Variants in CSMD2 observed in about 807,000 individuals in gnomAD.
CSMD2 encodes CUB and sushi domain-containing protein 2.
In CSMD2, 130 loss-of-function variants were observed where a neutral mutation model predicts 398.5. That is an observed-to-expected ratio of 0.33 (90% CI 0.28 to 0.38). CSMD2 has a LOEUF of 0.38. Ranked by LOEUF, CSMD2 falls within the 10% of genes least tolerant of loss-of-function variation. The pLI, the probability that CSMD2 is intolerant of heterozygous loss-of-function variation, is 1.00. For missense variants in CSMD2, 3,829 were observed against 4,764.9 expected (o/e 0.80, Z 5.78); for synonymous variants, 1,828 against 1,908.5 (o/e 0.96, Z 1.10).
At chr1:33,584,674 T>C (rs1403688493) in intron 46 of CSMD2, among the ~76,000 whole-genome samples, 1 of 119,288 alleles carries the variant, frequency 8.4e-6, no homozygotes, top group East Asian at 2.3e-4. Context: ...TCAAAAAAAA[T>C]ATATCTATAT....
intron 3 of CSMD2, among the ~76,000 whole-genome samples, chr1:33,981,398 T>TC (rs1387553677): frequency 6.6e-6 from 1 of 152,266 alleles, no homozygotes; most frequent in East Asian, 1.9e-4. Context: ...GCAATTTTCA[T>TC]CCCCCTTTGG....
At chr1:34,160,704 T>C (rs1205314990) in intron 1 of CSMD2, among the ~76,000 whole-genome samples, 1 of 152,164 alleles carries the variant, frequency 6.6e-6, no homozygotes. Context: ...TTCAGTAAGC[T>C]CACATTTTAA....
chr1:34,041,800 A>G, intron 2 of CSMD2, among the ~76,000 whole-genome samples: 1 of 152,194 alleles, frequency 6.6e-6, no homozygotes, highest in South Asian at 2.1e-4. Context: ...AATGCTTGGC[A>G]AAGAAAAAGG....
chr1:33,809,625 TA>T (rs575212853), intron 10 of CSMD2, among the ~76,000 whole-genome samples: 180 of 152,048 alleles, frequency 1.2e-3, no homozygotes, highest in African/African-American at 3.9e-3. Flanking sequence ...ACAACGACCA[TA>T]GGGGTCACCA....
intron 5 of CSMD2, among the ~76,000 whole-genome samples, chr1:33,859,798 A>G (rs1414926786): frequency 6.6e-6 from 1 of 152,220 alleles, no homozygotes; most frequent in Non-Finnish European, 1.5e-5. Context: ...TGATTCCATC[A>G]TGCTGCAAAA....
chr1:33,776,494 G>C (rs575135397), intron 12 of CSMD2, among the ~76,000 whole-genome samples: 2 of 152,172 alleles, frequency 1.3e-5, no homozygotes, highest in Non-Finnish European at 2.9e-5. Context: ...TGAAGAGAAT[G>C]TCTGAAGCTG....
chr1:34,147,634 C>T (rs1210367069), intron 1 of CSMD2, among the ~76,000 whole-genome samples: 1 of 43,966 alleles, frequency 2.3e-5, no homozygotes, highest in Non-Finnish European at 4.4e-5. Context: ...GGGGTGACAG[C>T]CAAAAGTGGG....
intron 9 of CSMD2, chr1:33,813,142 T>C (rs1657047812): frequency 6.6e-6 from 1 of 152,176 alleles, no homozygotes; most frequent in Non-Finnish European, 1.5e-5. Flanking sequence ...CTTGTACTTG[T>C]TTCCAAGAAT....
intron 3 of CSMD2, among the ~76,000 whole-genome samples, chr1:33,945,181 A>C (rs2125352701): frequency 6.6e-6 from 1 of 152,268 alleles, no homozygotes; most frequent in East Asian, 1.9e-4. Context: ...GAAACATCAT[A>C]GGCCCCAGAA....
At chr1:33,592,481 C>T (rs563603500) in intron 44 of CSMD2, 31 of 717,034 alleles carry the variant, frequency 4.3e-5, no homozygotes, top group African/African-American at 3.5e-4. Context: ...CAAACAGCTG[C>T]CAAGTGCCCT....
At chr1:33,955,070 C>A (rs946365250) in intron 3 of CSMD2, among the ~76,000 whole-genome samples, 7 of 152,076 alleles carry the variant, frequency 4.6e-5, no homozygotes, top group Non-Finnish European at 8.8e-5. Flanking sequence ...TCTCGCCATC[C>A]CAAGGAGGAA....
chr1:34,156,889 A>G (rs551567033), intron 1 of CSMD2, among the ~76,000 whole-genome samples: 2 of 152,336 alleles, frequency 1.3e-5, no homozygotes, highest in African/African-American at 4.8e-5. Context: ...AACAGGTGGA[A>G]AGTAAGAGAG....
intron 3 of CSMD2, among the ~76,000 whole-genome samples, chr1:34,009,924 C>G (rs115303537): frequency 0.014 from 2,169 of 152,280 alleles, 44 homozygotes; most frequent in African/African-American, 0.05. Flanking sequence ...GCAATGTTTT[C>G]CTAAGTGGGC....
chr1:33,682,586 A>T (rs1557724454), intron 25 of CSMD2, among the ~76,000 whole-genome samples: 1 of 152,216 alleles, frequency 6.6e-6, no homozygotes, highest in Non-Finnish European at 1.5e-5. Flanking sequence ...TGGAAAAGAA[A>T]AGGAGTCTTA....
chr1:33,937,610 C>T (rs1478321464), intron 3 of CSMD2, among the ~76,000 whole-genome samples: 10 of 152,202 alleles, frequency 6.6e-5, no homozygotes, highest in Non-Finnish European at 1.5e-4. Context: ...ATTCCCTCCC[C>T]CTTCCTCTCT....
intron 10 of CSMD2, among the ~76,000 whole-genome samples, chr1:33,793,638 C>T (rs543212930): frequency 5.9e-5 from 9 of 151,986 alleles, no homozygotes; most frequent in African/African-American, 1.4e-4. Flanking sequence ...GTGACAGGGA[C>T]GCATAGGTGT....
At chr1:33,985,345 A>G (rs1646321790) in intron 3 of CSMD2, among the ~76,000 whole-genome samples, 1 of 152,348 alleles carries the variant, frequency 6.6e-6, no homozygotes, top group African/African-American at 2.4e-5. Context: ...GAACAATGCC[A>G]GGCACACTAA....
intron 25 of CSMD2, among the ~76,000 whole-genome samples, chr1:33,670,330 A>T (rs1046125926): frequency 3.3e-5 from 5 of 152,262 alleles, no homozygotes; most frequent in African/African-American, 1.2e-4. Flanking sequence ...CCCCTTGGTG[A>T]ATGTTGTCTG....
Position 33,519,828 on chromosome 1 carries a change from A to T in CSMD2, c.10720T>A (p.Tyr3574Asn), listed in dbSNP as rs1369574581. The T allele has an allele frequency of 6.2e-7, 1 of 1,613,724 alleles. No homozygotes were observed. Among genetic ancestry groups the T allele is most frequent in the Non-Finnish European group, 8.5e-7 (1 of 1,179,908 alleles). ...GCACGGTACCTGTGCTTGTAGAGATAGAGCACGAAGCCCGCAATAATGAGG... is the reference window on the plus strand; with the variant it reads ...GCACGGTACCTGTGCTTGTAGAGATTGAGCACGAAGCCCGCAATAATGAGG... ...IALIIAGFVLYLYKHRRRPKV... is the reference protein window; with the variant it reads ...IALIIAGFVLNLYKHRRRPKV... Residue 3574 changes from tyrosine (Y) to asparagine (N), a missense_variant, in exon 69 of 71, where the codon TAT becomes AAT. This residue lies in a region of CSMD2 where 917 missense variants were observed against 1,199.5 expected (regional missense o/e 0.76). Coordinates refer to ENST00000373381, the MANE Select transcript of CSMD2 (RefSeq NM_001281956.2). The surrounding 1 kb of genome is among the most constrained non-coding windows in gnomAD (Gnocchi z 5.6).
Sources: gnomAD v4.1 joint callset for allele counts (sites outside exome capture counted in the v4.1 genomes callset) on GRCh38, gnomAD v4.1.1 for gene constraint, gnomAD v4.1.1 regional missense constraint, Gnocchi (gnomAD v3.1) non-coding constraint, MANE v1.5 for transcripts, NCBI Gene and HGNC (gene_info 2026-07-23, HGNC 2026-07-21) for gene names.